Variants in CACNA2D3 observed in about 807,000 individuals in gnomAD.
CACNA2D3 encodes the protein voltage-dependent calcium channel subunit alpha-2/delta-3.
CACNA2D3 carries 60 observed loss-of-function variants against 160.6 expected under a neutral mutation model. That is an observed-to-expected ratio of 0.37 (90% CI 0.30 to 0.46). The LOEUF is 0.46. Among genes scored for constraint, CACNA2D3 ranks in the 20% least tolerant of loss-of-function variants. CACNA2D3 has a pLI of 1.00. For missense variants in CACNA2D3, 1,205 were observed against 1,365.0 expected, an observed-to-expected ratio of 0.88 and a Z score of 1.85; for synonymous variants, 558 against 492.9, an observed-to-expected ratio of 1.13 and a Z score of -1.75.
At chr3:54,867,571 G>A (rs908924052) in intron 17 of CACNA2D3, among the ~76,000 whole-genome samples, 6 of 148,216 alleles carry the variant, frequency 4.0e-5, no homozygotes, top group African/African-American at 1.2e-4. Context: ...GGGATAATAT[G>A]GAGATAAAGT....
At chr3:54,242,384 G>A (rs1379776888) in intron 2 of CACNA2D3, among the ~76,000 whole-genome samples, 1 of 152,120 alleles carries the variant, frequency 6.6e-6, no homozygotes, top group Non-Finnish European at 1.5e-5. Flanking sequence ...CAGAGGTTGC[G>A]GCGAGCTGAG....
At chr3:54,304,492 C>T (rs1289596090) in intron 2 of CACNA2D3, among the ~76,000 whole-genome samples, 1 of 152,178 alleles carries the variant, frequency 6.6e-6, no homozygotes, top group Non-Finnish European at 1.5e-5. Flanking sequence ...AAAACAATTA[C>T]ATTTATAATC....
At chr3:54,774,358 G>C (rs1168684113) in intron 13 of CACNA2D3, among the ~76,000 whole-genome samples, 1 of 152,164 alleles carries the variant, frequency 6.6e-6, no homozygotes. Context: ...GGAAGGCAAA[G>C]GGGAAGCAGG....
At chr3:55,048,111 G>T (rs1704103280) in intron 35 of CACNA2D3, among the ~76,000 whole-genome samples, 1 of 92,726 alleles carries the variant, frequency 1.1e-5, no homozygotes, top group Non-Finnish European at 2.1e-5. Flanking sequence ...CTGCCTAATT[G>T]CCCTGGCCAG....
chr3:54,652,174 T>C (rs1559539741), intron 11 of CACNA2D3, among the ~76,000 whole-genome samples: 2 of 151,906 alleles, frequency 1.3e-5, no homozygotes, highest in African/African-American at 4.8e-5. Flanking sequence ...GCTGTCTGTA[T>C]TCTTCATCCC....
chr3:54,456,343 ATTTCT>A (rs1700395990), intron 4 of CACNA2D3, among the ~76,000 whole-genome samples: 1 of 151,524 alleles, frequency 6.6e-6, no homozygotes, highest in Non-Finnish European at 1.5e-5. Flanking sequence ...TGCTTTCTTG[ATTTCT>A]TTTTTAGCTA....
intron 2 of CACNA2D3, among the ~76,000 whole-genome samples, chr3:54,227,149 C>G (rs1364751656): frequency 1.3e-5 from 2 of 152,132 alleles, no homozygotes; most frequent in East Asian, 3.9e-4. Flanking sequence ...TAGAACAGTA[C>G]AAATGTTATG....
chr3:54,669,486 A>G (rs1438171849), intron 11 of CACNA2D3, among the ~76,000 whole-genome samples: 2 of 152,240 alleles, frequency 1.3e-5, no homozygotes, highest in African/African-American at 2.4e-5. Context: ...TGCAGCCAAA[A>G]TTGAATTAAA....
At position 54,252,100 on chromosome 3, in the gene CACNA2D3, G is replaced by GTTTTTTTTTTTTTTTTTTTTTTTTTTT. The variant is rs548233026; in HGVS notation, c.205-68328_205-68327insTTTTTTTTTTTTTTTTTTTTTTTTTTT. Among the ~76,000 whole-genome samples the GTTTTTTTTTTTTTTTTTTTTTTTTTTT allele has an allele frequency of 9.9e-5, 12 of 120,972 alleles. 1 individual carries two copies. Among genetic ancestry groups the GTTTTTTTTTTTTTTTTTTTTTTTTTTT allele is most frequent in the African/African-American group, 4.1e-4 (12 of 29,206 alleles). The allele number at this position is 120,972 out of a possible 152,430, so 79.4% of individuals were successfully genotyped here. A position where few individuals can be genotyped will look rare whatever the true frequency, so the allele number is the denominator to read the frequency against. ...TCCAATTTCTCTTTTTGCAGAGCTA[G>GTTTTTTTTTTTTTTTTTTTTTTTTTTT]TTTTTTTTTTTTTTGTACGATACTC... On this transcript the variant is annotated intron_variant, in intron 2 of 37. Transcript: ENST00000474759.
intron 11 of CACNA2D3, among the ~76,000 whole-genome samples, chr3:54,738,784 A>G (rs1234487457): frequency 6.6e-6 from 1 of 152,182 alleles, no homozygotes; most frequent in African/African-American, 2.4e-5. Flanking sequence ...TTCAGCCCTT[A>G]TCTGTCACAA....
chr3:54,667,377 C>T (rs976444483), intron 11 of CACNA2D3, among the ~76,000 whole-genome samples: 1 of 152,180 alleles, frequency 6.6e-6, no homozygotes, highest in East Asian at 1.9e-4. Flanking sequence ...TCTGTAACCA[C>T]CCTCCAAGGC....
rs559516527 is a variant in CACNA2D3, at chr3:55,061,762, G to C, written c.2988-11683G>C. ...GACTGATTGAAATAACTTAGGTTCAGTACCCATCTCTGAACCCATTGCTTT... is the reference window on the plus strand; with the variant it reads ...GACTGATTGAAATAACTTAGGTTCACTACCCATCTCTGAACCCATTGCTTT... On this transcript the variant is annotated intron_variant, in intron 35 of 37. Coordinates refer to ENST00000474759, the MANE Select transcript of CACNA2D3 (RefSeq NM_018398.3). Among the ~76,000 whole-genome samples the C allele has an allele frequency of 2.6e-5, 4 of 152,272 alleles. No homozygotes were observed. In the East Asian group the frequency reaches 5.8e-4, roughly 22 times the overall value.
At chr3:54,473,232 A>G (rs1435292293) in intron 4 of CACNA2D3, among the ~76,000 whole-genome samples, 2 of 152,232 alleles carry the variant, frequency 1.3e-5, no homozygotes, top group South Asian at 2.1e-4. Flanking sequence ...AATGCCGCAC[A>G]TCTAGAACCA....
At chr3:54,544,934 C>T (rs117097564) in intron 5 of CACNA2D3, among the ~76,000 whole-genome samples, 1,868 of 152,102 alleles carry the variant, frequency 0.012, 58 homozygotes, top group East Asian at 0.12. Context: ...ATGGTAAAAT[C>T]GTGGAGGATT....
intron 2 of CACNA2D3, among the ~76,000 whole-genome samples, chr3:54,208,955 A>G (rs1181576853): frequency 6.6e-6 from 1 of 152,188 alleles, no homozygotes; most frequent in Non-Finnish European, 1.5e-5. Context: ...GGTGGCAGAC[A>G]AGAAAGAATG....
At chr3:55,000,228 C>T (rs1044698659) in intron 31 of CACNA2D3, among the ~76,000 whole-genome samples, 6 of 151,974 alleles carry the variant, frequency 3.9e-5, no homozygotes, top group South Asian at 2.1e-4. Context: ...TACAGGTAGC[C>T]GCAAAATGGA....
intron 2 of CACNA2D3, among the ~76,000 whole-genome samples, chr3:54,124,365 A>G (rs1699544646): frequency 6.6e-6 from 1 of 151,456 alleles, no homozygotes; most frequent in African/African-American, 2.4e-5. Context: ...GGAAATAAAG[A>G]AAAAAAAATG....
In CACNA2D3 at chr3:54,512,695, T is replaced by TG. The variant is rs35831155; in HGVS notation, c.544+9043dup. ...TCTCCACCCACCTGCTCATGATGCA[T>TG]GGATGTGGTGAACCTCTGTGTGTCC... is the stretch of plus-strand genomic sequence containing the variant. On this transcript the variant is annotated intron_variant, in intron 5 of 37. Coordinates refer to ENST00000474759, the MANE Select transcript of CACNA2D3 (RefSeq NM_018398.3). Among the ~76,000 whole-genome samples, 1,153 of 152,330 alleles carry TG rather than the reference T, an allele frequency of 7.6e-3. 11 individuals carry two copies. The highest frequency in any genetic ancestry group is 0.025 in the African/African-American group (1,048 of 41,576).
intron 27 of CACNA2D3, among the ~76,000 whole-genome samples, chr3:54,947,673 A>G (rs912106050): frequency 1.2e-4 from 19 of 152,124 alleles, no homozygotes; most frequent in African/African-American, 4.6e-4. Context: ...GCTATACCCC[A>G]TGAAAATAAG....
Sources: gnomAD v4.1 joint callset for allele counts (sites outside exome capture counted in the v4.1 genomes callset) on GRCh38, gnomAD v4.1.1 for gene constraint, MANE v1.5 for transcripts, NCBI Gene and HGNC (gene_info 2026-07-23, HGNC 2026-07-21) for gene names.